Variants in AFF3 observed in about 807,000 individuals in gnomAD.
AFF3 encodes the protein AF4/FMR2 family member 3.
A neutral mutation model predicts 129.7 loss-of-function variants in AFF3; 32 were observed. The observed-to-expected ratio is 0.25, with a 90% CI of 0.19 to 0.33. The LOEUF (loss-of-function observed/expected upper bound fraction) is 0.33, where lower values mean the gene tolerates loss of function less well. Among genes scored for constraint, AFF3 ranks in the 10% least tolerant of loss-of-function variants. The pLI, the probability that AFF3 is intolerant of heterozygous loss-of-function variation, is 1.00. For missense variants in AFF3, 1,373 were observed against 1,592.0 expected, an observed-to-expected ratio of 0.86 and a Z score of 2.34; for synonymous variants, 644 against 635.4, an observed-to-expected ratio of 1.01 and a Z score of -0.20.
chr2:99,773,899 A>AT lies in AFF3; in HGVS notation c.922-21599dup, dbSNP rs548390999. ...AGCAAAGTCTCAGCATATAAAATCA[A>AT]TGTGCAGAAATCACAAGGATTCCTA... On this transcript the variant is annotated intron_variant, in intron 8 of 24. Coordinates refer to ENST00000672756, the MANE Select transcript of AFF3 (RefSeq NM_001386135.1). Among the ~76,000 whole-genome samples the AT allele has an allele frequency of 4.4e-3, 665 of 152,340 alleles. 3 individuals are homozygous for AT. Among genetic ancestry groups the AT allele is most frequent in the African/African-American group, 0.015 (632 of 41,572 alleles).
chr2:99,663,899 T>C (rs1368669577), intron 12 of AFF3, among the ~76,000 whole-genome samples: 2 of 152,220 alleles, frequency 1.3e-5, no homozygotes, highest in Non-Finnish European at 2.9e-5. Flanking sequence ...CATGTGTCCC[T>C]GTCCTCATGC....
At chr2:99,912,603 T>C (rs1695174184) in intron 7 of AFF3, among the ~76,000 whole-genome samples, 1 of 152,048 alleles carries the variant, frequency 6.6e-6, no homozygotes, top group South Asian at 2.1e-4. Flanking sequence ...AAATGGGCCC[T>C]CGAGATCAGA....
intron 17 of AFF3, among the ~76,000 whole-genome samples, chr2:99,580,958 T>G (rs1364918658): frequency 6.6e-6 from 1 of 152,224 alleles, no homozygotes; most frequent in Non-Finnish European, 1.5e-5. Context: ...TAATTCAAGC[T>G]GCTTTGTTAT....
intron 10 of AFF3, among the ~76,000 whole-genome samples, chr2:99,741,675 C>A (rs1041009051): frequency 6.6e-6 from 1 of 152,012 alleles, no homozygotes; most frequent in Non-Finnish European, 1.5e-5. Context: ...ATGCCATCCC[C>A]ATCAAGCTAC....
intron 13 of AFF3, among the ~76,000 whole-genome samples, chr2:99,646,955 T>C (rs545841108): frequency 1.3e-5 from 2 of 152,282 alleles, no homozygotes; most frequent in Non-Finnish European, 2.9e-5. Flanking sequence ...TAGTAGAGAA[T>C]AGACAATAGA....
At position 99,840,038 on chromosome 2, in the gene AFF3, G is replaced by GTTATT. The variant is rs1324715077; in HGVS notation, c.874-2515_874-2514insAATAA. Among the ~76,000 whole-genome samples the GTTATT allele has an allele frequency of 7.4e-3, 1,125 of 152,164 alleles. 10 individuals are homozygous for GTTATT. Among genetic ancestry groups the GTTATT allele is most frequent in the Middle Eastern group, 0.027 (8 of 294 alleles). ...GTTGCCTTTTTATTGTTTTATTATA[G>GTTATT]GAGTGCTTTGTATATTCTGGATATC... On this transcript the variant is annotated intron_variant, in intron 7 of 24. Transcript: ENST00000672756.
At chr2:99,817,282 C>T (rs1406019729) in intron 8 of AFF3, among the ~76,000 whole-genome samples, 1 of 152,190 alleles carries the variant, frequency 6.6e-6, no homozygotes, top group African/African-American at 2.4e-5. Flanking sequence ...CCATGTTCAG[C>T]CTTTAGCAAT....
At chr2:99,830,294 T>A (rs994214460) in intron 8 of AFF3, among the ~76,000 whole-genome samples, 18 of 150,662 alleles carry the variant, frequency 1.2e-4, no homozygotes, top group African/African-American at 2.5e-4. Flanking sequence ...AAAAAAAAAA[T>A]AAAAATAAAA....
intron 8 of AFF3, among the ~76,000 whole-genome samples, chr2:99,829,058 T>A (rs941967216): frequency 5.3e-5 from 8 of 152,202 alleles, no homozygotes; most frequent in African/African-American, 1.9e-4. Flanking sequence ...AATTTTGATA[T>A]AAACAAGAGT....
At chr2:100,024,503 G>A (rs2104900363) in intron 4 of AFF3, among the ~76,000 whole-genome samples, 1 of 151,738 alleles carries the variant, frequency 6.6e-6, no homozygotes, top group African/African-American at 2.4e-5. Context: ...AGCTACTCGG[G>A]AGTCTGAGGC....
At chr2:99,555,536 C>T (rs1242106292) in intron 22 of AFF3, among the ~76,000 whole-genome samples, 2 of 152,140 alleles carry the variant, frequency 1.3e-5, no homozygotes, top group African/African-American at 4.8e-5. Context: ...TTGCACAAGC[C>T]AGGTGCTTGC....
intron 14 of AFF3, among the ~76,000 whole-genome samples, chr2:99,596,963 G>A (rs779506976): frequency 6.6e-5 from 10 of 152,114 alleles, no homozygotes; most frequent in South Asian, 2.1e-4. Flanking sequence ...TAAGGGGGGC[G>A]TTTAAGGGCG....
chr2:99,859,405 C>G (rs1207895582), intron 7 of AFF3, among the ~76,000 whole-genome samples: 1 of 152,190 alleles, frequency 6.6e-6, no homozygotes, highest in Non-Finnish European at 1.5e-5. Context: ...CACTCCAGAC[C>G]TACTGAGTCA....
At chr2:100,114,049 G>A (rs1691629470) in intron 2 of AFF3, among the ~76,000 whole-genome samples, 1 of 152,186 alleles carries the variant, frequency 6.6e-6, no homozygotes, top group South Asian at 2.1e-4. Context: ...CAAGATCAGA[G>A]ATTCAGTAAA....
rs780991519 is a variant in AFF3, at chr2:100,008,904, G to A, written c.82C>T (p.Arg28Trp). The change falls in exon 5 of 25, where the codon CGG becomes TGG. Residue 28 changes from arginine (R) to tryptophan (W), a missense_variant. By Grantham distance (101) the Arg-to-Trp change is moderately radical. Around this residue, in one of 9 missense-constraint regions of AFF3, gnomAD observed 255 missense variants for 256.0 expected, o/e 1.00. Transcript: ENST00000672756. ...CVYEPDRNAL[R>W]RKERERRNQE... ...TTTCTTCTTTCTCGTTCTTTCCTCC[G>A]TAATGCATTTCTATCTGGTTCATAG... 8.1e-6 allele frequency: 13 copies of A among 1,613,718 alleles called. No individual in the cohort carries two copies. Among genetic ancestry groups the A allele is most frequent in the African/African-American group, 2.7e-5 (2 of 74,864 alleles).
At chr2:99,889,992 C>T (rs1217508993) in intron 7 of AFF3, among the ~76,000 whole-genome samples, 2 of 152,150 alleles carry the variant, frequency 1.3e-5, no homozygotes, top group Admixed American at 1.3e-4. Flanking sequence ...GTAAATCTGC[C>T]CCTGCCTCAT....
rs552622941 is a variant in AFF3, at chr2:99,967,287, AC to A, written c.873+39344del. The stretch of plus-strand genomic sequence containing the variant: ...CCCAATTTCTCTGCCTCTCTTGACC[AC>A]CCCCCCGCCCCCAAGCACTTTAATG... On this transcript the variant is annotated intron_variant, in intron 7 of 24. Coordinates refer to ENST00000672756, the MANE Select transcript of AFF3 (RefSeq NM_001386135.1). Among the ~76,000 whole-genome samples, 13 of 105,466 alleles carry A rather than the reference AC, an allele frequency of 1.2e-4. 1 individual carries two copies. Among genetic ancestry groups the A allele is most frequent in the African/African-American group, 3.9e-4 (11 of 27,874 alleles). The allele number at this position is 105,466 out of a possible 152,430, so 69.2% of individuals were successfully genotyped here.
At position 99,908,937 on chromosome 2, in the gene AFF3, A is replaced by G. The variant is rs533693856; in HGVS notation, c.874-71413T>C. Among the ~76,000 whole-genome samples, 237 of 152,306 alleles carry G rather than the reference A, an allele frequency of 1.6e-3. 1 individual carries two copies. Among genetic ancestry groups the G allele is most frequent in the South Asian group, 4.8e-3 (23 of 4,824 alleles). On this transcript the variant is annotated intron_variant, in intron 7 of 24. Coordinates refer to ENST00000672756, the MANE Select transcript of AFF3 (RefSeq NM_001386135.1). Reference sequence around the variant, plus strand: ...TGTGGCGATTCCTCAGGGATCTAGAACTAGATCTAGAACTAGGAATACCAT... The same window carrying G: ...TGTGGCGATTCCTCAGGGATCTAGAGCTAGATCTAGAACTAGGAATACCAT...
In AFF3 at chr2:99,809,327, CG is replaced by C. The variant is rs374612405; in HGVS notation, c.921+28149del. Among the ~76,000 whole-genome samples, 67 of 152,308 alleles carry C rather than the reference CG, an allele frequency of 4.4e-4. 2 individuals are homozygous for C. In the East Asian group the frequency reaches 0.01, roughly 23 times the overall value. On this transcript the variant is annotated intron_variant, in intron 8 of 24. Transcript: ENST00000672756. ...AGAGGCACCCAGCTCTCAGGGTCTA[CG>C]GGGCAAGCCCTCAACGCGGGGGGCT...
Sources: gnomAD v4.1 joint callset for allele counts (sites outside exome capture counted in the v4.1 genomes callset) on GRCh38, gnomAD v4.1.1 for gene constraint, gnomAD v4.1.1 regional missense constraint, MANE v1.5 for transcripts, NCBI Gene and HGNC (gene_info 2026-07-23, HGNC 2026-07-21) for gene names.